The following ITGBL1 variants were observed in gnomAD, a reference collection of about 807,000 sequenced individuals.
ITGBL1 encodes the protein integrin subunit beta like 1.
In ITGBL1, 51 loss-of-function variants were observed where a neutral mutation model predicts 68.5. That is an observed-to-expected ratio of 0.74 (90% confidence interval 0.59 to 0.94). The LOEUF (loss-of-function observed/expected upper bound fraction) is 0.94. Ranked by LOEUF, ITGBL1 falls within the 40% of genes least tolerant of loss-of-function variation. The probability of loss-of-function intolerance (pLI) is 0.00; values close to 1 mark genes in which losing one functional copy is unlikely to be tolerated. For missense variants in ITGBL1, 649 were observed against 647.4 expected, an observed-to-expected ratio of 1.00 and a Z score of -0.03; for synonymous variants, 209 against 227.3, an observed-to-expected ratio of 0.92 and a Z score of 0.72.
rs76208047 is a variant in ITGBL1 at position 101,464,691 on chromosome 13, A to C, written c.316+10591A>C. On this transcript the variant is annotated intron_variant, in intron 2 of 10. Transcript: ENST00000376180. ...TATATATACACATATTTATATATGTATACATACATATTTGATACCCTAATT... is the reference window on the plus strand; with the variant it reads ...TATATATACACATATTTATATATGTCTACATACATATTTGATACCCTAATT... 6.9e-3 allele frequency among the ~76,000 whole-genome samples: 1,054 copies of C among 152,256 alleles called. 10 individuals carry two copies. Among genetic ancestry groups the C allele is most frequent in the African/African-American group, 0.024 (1,008 of 41,542 alleles).
intron 7 of ITGBL1, among the ~76,000 whole-genome samples, chr13:101,623,863 C>T (rs1054821181): frequency 6.6e-6 from 1 of 152,122 alleles, no homozygotes; most frequent in Non-Finnish European, 1.5e-5. Flanking sequence ...ACCTTCTGGC[C>T]TTCTGGGCCT....
intron 2 of ITGBL1, among the ~76,000 whole-genome samples, chr13:101,468,638 T>C (rs577135629): frequency 3.3e-5 from 5 of 152,194 alleles, no homozygotes; most frequent in Non-Finnish European, 7.3e-5. Context: ...TTCAGAAACT[T>C]TATTTACATT....
intron 2 of ITGBL1, among the ~76,000 whole-genome samples, chr13:101,567,225 A>G (rs532875371): frequency 3.4e-4 from 52 of 152,312 alleles, no homozygotes; most frequent in African/African-American, 1.2e-3. Context: ...TAATATATCC[A>G]TAAATTTCAT....
rs1192498349 is a variant in ITGBL1 at position 101,575,551 on chromosome 13, G to A, written c.586+5G>A. The A allele has an allele frequency of 6.2e-7, 1 of 1,610,400 alleles. No homozygotes were observed. Among genetic ancestry groups the A allele is most frequent in the Admixed American group, 1.7e-5 (1 of 59,772 alleles). Reference sequence around the variant, plus strand: ...AAACAGAAGAAATATGTGGAGGTATGTATATTGGCTCTGTAGAAATTAATA... The same window carrying A: ...AAACAGAAGAAATATGTGGAGGTATATATATTGGCTCTGTAGAAATTAATA... On this transcript the variant is annotated splice_donor_5th_base_variant and intron_variant, in intron 4 of 10. Coordinates refer to ENST00000376180, the MANE Select transcript of ITGBL1 (RefSeq NM_004791.3).
At chr13:101,626,151 C>G (rs1379809845) in intron 7 of ITGBL1, among the ~76,000 whole-genome samples, 1 of 151,790 alleles carries the variant, frequency 6.6e-6, no homozygotes, top group East Asian at 2.0e-4. Flanking sequence ...AACTTCAGAC[C>G]CAGTTAATCA....
rs751342162 is a variant in ITGBL1, at chr13:101,575,415, A to G, written c.464-9A>G. The G allele has an allele frequency of 8.1e-6, 13 of 1,604,782 alleles. No homozygotes were observed. Among genetic ancestry groups the G allele is most frequent in the African/African-American group, 2.7e-5 (2 of 74,192 alleles). ...GTAACAAACAGTCTTTTTTGTTTTC[A>G]TGGTTTAGGTACATGTCACTGTGGC... On this transcript the variant is annotated splice_polypyrimidine_tract_variant and intron_variant, in intron 3 of 10. Transcript: ENST00000376180.
At chr13:101,652,721 G>T (rs1324859102) in intron 7 of ITGBL1, among the ~76,000 whole-genome samples, 1 of 152,166 alleles carries the variant, frequency 6.6e-6, no homozygotes, top group Admixed American at 6.5e-5. Context: ...GGTTCAAGAA[G>T]TGTTTCCTCA....
intron 7 of ITGBL1, among the ~76,000 whole-genome samples, chr13:101,688,232 A>T (rs1453277654): frequency 6.6e-6 from 1 of 152,066 alleles, no homozygotes; most frequent in East Asian, 1.9e-4. Context: ...TCATTTAACA[A>T]TTGGGTTGAG....
At chr13:101,471,754 C>A (rs2048464174) in intron 2 of ITGBL1, among the ~76,000 whole-genome samples, 1 of 151,754 alleles carries the variant, frequency 6.6e-6, no homozygotes, top group South Asian at 2.1e-4. Flanking sequence ...TCTCTTAAAT[C>A]TTTGACTCTG....
chr13:101,564,885 A>G (rs1272364776), intron 2 of ITGBL1, among the ~76,000 whole-genome samples: 1 of 151,972 alleles, frequency 6.6e-6, no homozygotes, highest in African/African-American at 2.4e-5. Flanking sequence ...TAAAATTTAA[A>G]AAAAGAAGAT....
Position 101,456,018 on chromosome 13 carries a change from AG to A in ITGBL1, c.316+1919del, listed in dbSNP as rs561448742. Among the ~76,000 whole-genome samples, 18 of 152,252 alleles carry A rather than the reference AG, an allele frequency of 1.2e-4. No individual in the cohort carries two copies. In the South Asian group the frequency reaches 3.5e-3, roughly 30 times the overall value. Reference sequence around the variant, plus strand: ...GGTGCTTTTCTCCGAGAAACTATGCAGAAGGAATGCTGTGGTAGACAGCATT... The same window carrying A: ...GGTGCTTTTCTCCGAGAAACTATGCAAAGGAATGCTGTGGTAGACAGCATT... On this transcript the variant is annotated intron_variant, in intron 2 of 10. Transcript: ENST00000376180.
Position 101,565,212 on chromosome 13 carries a change from G to C in ITGBL1, c.317-2487G>C, listed in dbSNP as rs546609497. Among the ~76,000 whole-genome samples, 3 of 152,060 alleles carry C rather than the reference G, an allele frequency of 2.0e-5. No individual in the cohort carries two copies. The South Asian group carries it at 6.2e-4, about 32-fold the overall frequency. On this transcript the variant is annotated intron_variant, in intron 2 of 10. Coordinates refer to ENST00000376180, the MANE Select transcript of ITGBL1 (RefSeq NM_004791.3). ...AGGTGTTTTTTGAAGCCATGTTATT[G>C]ACACTGTAATGGAGATTACCTTGCC... is the stretch of plus-strand genomic sequence containing the variant.
chr13:101,717,836 A>G (rs375747735), downstream of ITGBL1: 14 of 152,124 alleles, frequency 9.2e-5, no homozygotes, highest in African/African-American at 2.7e-4. Flanking sequence ...ATAGCTCATC[A>G]CAAAACCTCA....
At chr13:101,543,955 T>C (rs2049765020) in intron 2 of ITGBL1, among the ~76,000 whole-genome samples, 1 of 152,314 alleles carries the variant, frequency 6.6e-6, no homozygotes, top group African/African-American at 2.4e-5. Flanking sequence ...GCCATTCGTC[T>C]AATTTTTTTT....
chr13:101,452,770 G>A lies in ITGBL1; in HGVS notation c.-64G>A, dbSNP rs2048181845. ...GCTGGTGGCACCTCTCCCTCCTGCCGCCTCCCTCGGTGAACCCCACCTTGC... is the reference window on the plus strand; with the variant it reads ...GCTGGTGGCACCTCTCCCTCCTGCCACCTCCCTCGGTGAACCCCACCTTGC... On this transcript the variant is annotated 5_prime_UTR_variant, in exon 1 of 11. Coordinates refer to ENST00000376180, the MANE Select transcript of ITGBL1 (RefSeq NM_004791.3). 3.0e-6 allele frequency: 4 copies of A among 1,352,222 alleles called. No individual in the cohort carries two copies. The Admixed American group carries it at 5.0e-5, about 17-fold the overall frequency. The allele number at this position is 1,352,222 out of a possible 1,614,324, so 83.8% of individuals were successfully genotyped here.
At chr13:101,644,769 T>C (rs2032505456) in intron 7 of ITGBL1, among the ~76,000 whole-genome samples, 1 of 152,136 alleles carries the variant, frequency 6.6e-6, no homozygotes, top group Admixed American at 6.5e-5. Context: ...ATTTACTCAT[T>C]TATGTGAATA....
At chr13:101,521,829 T>C (rs1441942098) in intron 2 of ITGBL1, among the ~76,000 whole-genome samples, 2 of 152,114 alleles carry the variant, frequency 1.3e-5, no homozygotes, top group African/African-American at 4.8e-5. Flanking sequence ...TTACCTTTCC[T>C]TTTCTTGCTT....
At chr13:101,701,961 C>T (rs948758020) in intron 8 of ITGBL1, among the ~76,000 whole-genome samples, 10 of 152,054 alleles carry the variant, frequency 6.6e-5, no homozygotes, top group African/African-American at 2.4e-4. Context: ...GCTACTGAAC[C>T]ATACACTTAA....
intron 7 of ITGBL1, among the ~76,000 whole-genome samples, chr13:101,683,567 C>CT (rs1044753071): frequency 8.6e-5 from 13 of 151,880 alleles, no homozygotes; most frequent in African/African-American, 2.9e-4. Context: ...CATGTGTATG[C>CT]TTTTTTCTCT....
Sources: allele counts gnomAD v4.1 joint callset (sites outside exome capture counted in the v4.1 genomes callset), GRCh38; gene constraint gnomAD v4.1.1; transcripts MANE v1.5; gene names NCBI Gene and HGNC (gene_info 2026-07-23, HGNC 2026-07-21).